Variants in NCK2 observed in about 807,000 individuals in gnomAD.
NCK2 encodes cytoplasmic protein NCK2.
In NCK2, 16 loss-of-function variants were observed where a neutral mutation model predicts 33.9. The observed-to-expected ratio is 0.47, with a 90% confidence interval of 0.32 to 0.72. The LOEUF (loss-of-function observed/expected upper bound fraction) is 0.72, where lower values mean the gene tolerates loss of function less well. Among genes scored for constraint, NCK2 ranks in the 30% least tolerant of loss-of-function variants. NCK2 has a pLI of 0.03. For missense variants in NCK2, 418 were observed against 537.3 expected (o/e 0.78, Z 2.19); for synonymous variants, 273 against 239.9 (o/e 1.14, Z -1.27).
At chr2:105,857,854 CA>C (rs1232499942) in intron 3 of NCK2, among the ~76,000 whole-genome samples, 1 of 152,206 alleles carries the variant, frequency 6.6e-6, no homozygotes, top group East Asian at 1.9e-4. Context: ...TGTTGAGCTG[CA>C]TCCAGTGGAA....
intron 3 of NCK2, among the ~76,000 whole-genome samples, chr2:105,869,998 A>G (rs1213239694): frequency 6.6e-6 from 1 of 152,120 alleles, no homozygotes; most frequent in Non-Finnish European, 1.5e-5. Flanking sequence ...TGGAGTGGAA[A>G]GTCAGGTTCA....
intron 1 of NCK2, among the ~76,000 whole-genome samples, chr2:105,779,040 C>T (rs1219853928): frequency 6.6e-6 from 1 of 152,108 alleles, no homozygotes; most frequent in Non-Finnish European, 1.5e-5. Context: ...GGCACAGTGG[C>T]TCACACCTGT....
chr2:105,833,325 G>T (rs1209769185), intron 2 of NCK2, among the ~76,000 whole-genome samples: 4 of 151,996 alleles, frequency 2.6e-5, no homozygotes, highest in Non-Finnish European at 5.9e-5. Flanking sequence ...TCGAACTCCG[G>T]GCCTCAGGTG....
At chr2:105,889,487 T>A (rs1479492022) in intron 4 of NCK2, among the ~76,000 whole-genome samples, 1 of 152,064 alleles carries the variant, frequency 6.6e-6, no homozygotes. Context: ...CACACGGTGC[T>A]GGAGGTTAAA....
At chr2:105,787,228 C>A (rs1026719791) in intron 1 of NCK2, among the ~76,000 whole-genome samples, 54 of 152,334 alleles carry the variant, frequency 3.5e-4, no homozygotes, top group Non-Finnish European at 7.3e-5. Context: ...GTGGAAGGGG[C>A]AGGACCCAGT....
intron 1 of NCK2, among the ~76,000 whole-genome samples, chr2:105,787,458 C>T (rs1236649336): frequency 1.3e-5 from 2 of 152,296 alleles, no homozygotes; most frequent in East Asian, 1.9e-4. Context: ...AGAGCTCTCT[C>T]TGCCACCTGA....
intron 2 of NCK2, among the ~76,000 whole-genome samples, chr2:105,817,640 AAAG>A (rs1396388936): frequency 6.6e-6 from 1 of 152,238 alleles, no homozygotes; most frequent in Non-Finnish European, 1.5e-5. Flanking sequence ...ACACTGCTCA[AAAG>A]AAGACATTTA....
chr2:105,788,883 C>A (rs547522918), intron 1 of NCK2, among the ~76,000 whole-genome samples: 14 of 152,170 alleles, frequency 9.2e-5, no homozygotes, highest in Non-Finnish European at 1.8e-4. Context: ...GTCAGGGCAG[C>A]GGATCTCTTA....
At chr2:105,818,192 A>G (rs1461584101) in intron 2 of NCK2, among the ~76,000 whole-genome samples, 6 of 147,020 alleles carry the variant, frequency 4.1e-5, no homozygotes, top group African/African-American at 7.6e-5. Flanking sequence ...AAAACCAAAC[A>G]CTGCATGTTC....
At chr2:105,783,271 C>T (rs565843951) in intron 1 of NCK2, among the ~76,000 whole-genome samples, 10 of 152,176 alleles carry the variant, frequency 6.6e-5, no homozygotes, top group Admixed American at 1.3e-4. Context: ...CTGTTTGTAG[C>T]CTCGCTAGAG....
chr2:105,856,011 T>A (rs987275643), intron 3 of NCK2, among the ~76,000 whole-genome samples: 12 of 152,146 alleles, frequency 7.9e-5, no homozygotes, highest in Admixed American at 7.9e-4. Flanking sequence ...ATTTTTTGTA[T>A]TTTTAGTAGA....
At chr2:105,811,375 T>C (rs1228353239) in intron 1 of NCK2, among the ~76,000 whole-genome samples, 1 of 152,176 alleles carries the variant, frequency 6.6e-6, no homozygotes, top group Non-Finnish European at 1.5e-5. Context: ...CCCATGGCCT[T>C]GTTGCTTCCT....
At chr2:105,802,695 C>A (rs929364724) in intron 1 of NCK2, among the ~76,000 whole-genome samples, 6 of 152,216 alleles carry the variant, frequency 3.9e-5, no homozygotes, top group Non-Finnish European at 7.3e-5. Context: ...TCCGCCCTCG[C>A]GATGCAGACA....
chr2:105,806,238 C>CTTTT (rs56141591), intron 1 of NCK2, among the ~76,000 whole-genome samples: 17 of 135,968 alleles, frequency 1.3e-4, no homozygotes, highest in South Asian at 4.5e-4. Context: ...CATTTTCTTT[C>CTTTT]TTTTTTTTTT....
chr2:105,838,238 A>G (rs1415298759), intron 2 of NCK2, among the ~76,000 whole-genome samples: 3 of 152,116 alleles, frequency 2.0e-5, no homozygotes, highest in South Asian at 4.1e-4. Context: ...GTTCAGCAGC[A>G]TATTTTAAAA....
intron 1 of NCK2, among the ~76,000 whole-genome samples, chr2:105,806,195 G>A (rs963329104): frequency 2.0e-5 from 3 of 150,290 alleles, no homozygotes; most frequent in Non-Finnish European, 4.4e-5. Context: ...ATGTGTGTGT[G>A]TGCTTGTGTA....
intron 2 of NCK2, among the ~76,000 whole-genome samples, chr2:105,828,149 T>C (rs1676023897): frequency 6.6e-6 from 1 of 152,228 alleles, no homozygotes; most frequent in Non-Finnish European, 1.5e-5. Context: ...TTCCTCTTTT[T>C]ATAGTAGTTT....
At chr2:105,850,035 C>T (rs563658459) in intron 2 of NCK2, among the ~76,000 whole-genome samples, 10 of 152,292 alleles carry the variant, frequency 6.6e-5, no homozygotes, top group Admixed American at 6.5e-4. Context: ...CTCTAAAGCA[C>T]TTTGTATTCA....
At chr2:105,847,156 G>A (rs1157594351) in intron 2 of NCK2, 5 of 152,148 alleles carry the variant, frequency 3.3e-5, no homozygotes, top group African/African-American at 1.2e-4. Flanking sequence ...GGGACTGGGG[G>A]AAGGGAGAAA....
Sources: gnomAD v4.1 joint callset for allele counts (sites outside exome capture counted in the v4.1 genomes callset) on GRCh38, gnomAD v4.1.1 for gene constraint, MANE v1.5 for transcripts, NCBI Gene and HGNC (gene_info 2026-07-23, HGNC 2026-07-21) for gene names.